WWOX: variants seen among roughly 807,000 people sequenced by gnomAD.
WWOX encodes WW domain-containing oxidoreductase.
Under a neutral mutation model 46.2 loss-of-function variants are expected in WWOX, and 69 were observed. That is an observed-to-expected ratio of 1.49 (90% CI 1.23 to 1.82). The LOEUF (loss-of-function observed/expected upper bound fraction) is 1.82, where lower values mean the gene tolerates loss of function less well. Among genes scored for constraint, WWOX ranks in the 40% most tolerant of loss-of-function variants. WWOX has a pLI of 0.00. For synonymous variants in WWOX, 359 were observed against 202.6 expected, an observed-to-expected ratio of 1.77 and a Z score of -6.56; for missense variants, 919 against 542.6, an observed-to-expected ratio of 1.69 and a Z score of -6.89.
intron 8 of WWOX, among the ~76,000 whole-genome samples, chr16:78,851,787 G>T (rs556232520): frequency 3.3e-5 from 5 of 152,294 alleles, no homozygotes; most frequent in Non-Finnish European, 5.9e-5. Flanking sequence ...TAGATGAACT[G>T]TTCAAAAGTT....
At chr16:78,471,748 C>G (rs567955638) in intron 8 of WWOX, among the ~76,000 whole-genome samples, 48 of 152,146 alleles carry the variant, frequency 3.2e-4, no homozygotes, top group Non-Finnish European at 4.7e-4. Flanking sequence ...TTGGCCTGAA[C>G]TAGGCTAGAG....
Position 78,992,738 on chromosome 16 carries a change from C to T in WWOX, c.1057-218870C>T, listed in dbSNP as rs550841813. On this transcript the variant is annotated intron_variant, in intron 8 of 8. Transcript: ENST00000566780. Reference sequence around the variant, plus strand: ...TAGCTGGAAGGTAGCAAGAGGAAATCGCCTGCCAGGGTCCCTGACTCCCGG... The same window carrying T: ...TAGCTGGAAGGTAGCAAGAGGAAATTGCCTGCCAGGGTCCCTGACTCCCGG... Among the ~76,000 whole-genome samples, 12 of 152,202 alleles carry T rather than the reference C, an allele frequency of 7.9e-5. No individual in the cohort carries two copies. The East Asian group carries it at 1.2e-3, about 15-fold the overall frequency.
At chr16:78,631,670 G>C (rs998101889) in intron 8 of WWOX, among the ~76,000 whole-genome samples, 1 of 151,570 alleles carries the variant, frequency 6.6e-6, no homozygotes, top group African/African-American at 2.4e-5. Flanking sequence ...CTCCAAGTAG[G>C]GCTACACGTG....
intron 8 of WWOX, among the ~76,000 whole-genome samples, chr16:78,466,875 C>G (rs1422148248): frequency 6.6e-6 from 1 of 151,774 alleles, no homozygotes; most frequent in Non-Finnish European, 1.5e-5. Flanking sequence ...AAATTTTTTT[C>G]TTCCATCTGT....
chr16:78,573,010 G>A (rs1324057884), intron 8 of WWOX, among the ~76,000 whole-genome samples: 4 of 152,236 alleles, frequency 2.6e-5, no homozygotes, highest in South Asian at 2.1e-4. Context: ...AATTATAGCC[G>A]GGCACGGTGG....
chr16:78,359,870 A>T (rs1453953146), intron 5 of WWOX, among the ~76,000 whole-genome samples: 1 of 152,232 alleles, frequency 6.6e-6, no homozygotes, highest in Non-Finnish European at 1.5e-5. Context: ...GTTTTGACAC[A>T]GCAAAAACAT....
In WWOX at chr16:78,185,194, G is replaced by A. The variant is rs1597324412; in HGVS notation, c.516+20905G>A. On this transcript the variant is annotated intron_variant, in intron 5 of 8. Transcript: ENST00000566780. The stretch of plus-strand genomic sequence containing the variant: ...CACCATATGTGCATAGAGGGAGGCC[G>A]AGAACTGGACTATCAGAGAATAGCC... 2.6e-5 allele frequency among the ~76,000 whole-genome samples: 4 copies of A among 152,322 alleles called. No individual in the cohort carries two copies. The South Asian group carries it at 8.3e-4, about 32-fold the overall frequency.
intron 8 of WWOX, among the ~76,000 whole-genome samples, chr16:78,580,149 C>G (rs929580037): frequency 3.3e-5 from 5 of 151,566 alleles, no homozygotes; most frequent in Admixed American, 6.6e-5. Context: ...TCTCGGCTCA[C>G]TGCAACCTCC....
At chr16:78,304,862 C>T (rs1459707128) in intron 5 of WWOX, among the ~76,000 whole-genome samples, 1 of 152,182 alleles carries the variant, frequency 6.6e-6, no homozygotes, top group Non-Finnish European at 1.5e-5. Flanking sequence ...AACCATTTGA[C>T]ACATTTCGCT....
chr16:78,879,245 G>A (rs1254179207), intron 8 of WWOX, among the ~76,000 whole-genome samples: 2 of 152,168 alleles, frequency 1.3e-5, no homozygotes, highest in East Asian at 3.9e-4. Context: ...ATGCCGGGCA[G>A]GCTTTTGTGA....
chr16:78,165,534 G>A (rs1407209502), intron 5 of WWOX, among the ~76,000 whole-genome samples: 2 of 152,140 alleles, frequency 1.3e-5, no homozygotes, highest in African/African-American at 4.8e-5. Context: ...GGTGGAGAAG[G>A]GTCAGATGGG....
intron 8 of WWOX, among the ~76,000 whole-genome samples, chr16:78,914,840 C>T (rs558472693): frequency 7.1e-6 from 1 of 141,374 alleles, no homozygotes; most frequent in Non-Finnish European, 1.5e-5. Flanking sequence ...GATCGCGCCA[C>T]TGCACTCCCG....
chr16:78,908,218 T>C lies in WWOX; in HGVS notation c.1057-303390T>C, dbSNP rs145607156. ...TTGCCCGCTGCCTAAGCAAAGCCGA[T>C]TTATCAAGACAGGGGGATTGCCATA... On this transcript the variant is annotated intron_variant, in intron 8 of 8. Coordinates refer to ENST00000566780, the MANE Select transcript of WWOX (RefSeq NM_016373.4). Among the ~76,000 whole-genome samples, 45 of 152,210 alleles carry C rather than the reference T, an allele frequency of 3.0e-4. No homozygotes were observed. In the South Asian group the frequency reaches 3.1e-3, roughly 11 times the overall value.
At chr16:78,478,162 T>G (rs992392837) in intron 8 of WWOX, among the ~76,000 whole-genome samples, 29 of 152,174 alleles carry the variant, frequency 1.9e-4, no homozygotes, top group African/African-American at 7.0e-4. Context: ...TAAAGTGTAA[T>G]CAATTTTGAG....
intron 8 of WWOX, among the ~76,000 whole-genome samples, chr16:79,118,190 T>C (rs77066661): frequency 0.013 from 2,010 of 152,228 alleles, 23 homozygotes; most frequent in African/African-American, 0.029. Context: ...CATTGAAGGG[T>C]TGTAAGTTTG....
intron 6 of WWOX, among the ~76,000 whole-genome samples, chr16:78,411,390 A>G (rs2082677090): frequency 6.6e-6 from 1 of 152,164 alleles, no homozygotes; most frequent in East Asian, 1.9e-4. Flanking sequence ...AATTTTCTTC[A>G]GTGAAATAAT....
chr16:78,813,402 C>G (rs2051246418), intron 8 of WWOX, among the ~76,000 whole-genome samples: 1 of 151,970 alleles, frequency 6.6e-6, no homozygotes, highest in Non-Finnish European at 1.5e-5. Context: ...ACATTTTTGT[C>G]AGGTGGTTAC....
intron 1 of WWOX, among the ~76,000 whole-genome samples, chr16:78,101,574 GC>G (rs1300292819): frequency 6.6e-6 from 1 of 151,926 alleles, no homozygotes; most frequent in African/African-American, 2.4e-5. Flanking sequence ...GCCCACCTCG[GC>G]CCCCCAAAGT....
chr16:79,192,671 T>C (rs1355861523), intron 8 of WWOX, among the ~76,000 whole-genome samples: 1 of 152,194 alleles, frequency 6.6e-6, no homozygotes, highest in African/African-American at 2.4e-5. Flanking sequence ...TCATTTTTGC[T>C]TTATTTCTTT....
Sources: gnomAD v4.1 joint callset for allele counts (sites outside exome capture counted in the v4.1 genomes callset) on GRCh38, gnomAD v4.1.1 for gene constraint, MANE v1.5 for transcripts, NCBI Gene and HGNC (gene_info 2026-07-23, HGNC 2026-07-21) for gene names.